Variants in LRRTM4 observed in about 807,000 individuals in gnomAD.
LRRTM4 encodes leucine-rich repeat transmembrane neuronal protein 4.
A neutral mutation model predicts 47.6 loss-of-function variants in LRRTM4; 25 were observed. The ratio of observed to expected loss-of-function variants is 0.53; its 90% CI spans 0.38 to 0.73. LRRTM4 has a LOEUF of 0.73. LRRTM4 is among the 30% of genes least tolerant of loss of function. The pLI, the probability that LRRTM4 is intolerant of heterozygous loss-of-function variation, is 0.00. For missense variants in LRRTM4, 638 were observed against 713.4 expected, an observed-to-expected ratio of 0.89 and a Z score of 1.20; for synonymous variants, 311 against 269.5, an observed-to-expected ratio of 1.15 and a Z score of -1.51.
At chr2:77,457,555 C>A (rs771112030) in intron 3 of LRRTM4, among the ~76,000 whole-genome samples, 7 of 151,938 alleles carry the variant, frequency 4.6e-5, no homozygotes, top group Non-Finnish European at 8.8e-5. Flanking sequence ...ATATATCTAT[C>A]CTACTTGAAA....
chr2:76,878,061 A>G (rs1459738036), intron 3 of LRRTM4, among the ~76,000 whole-genome samples: 2 of 152,136 alleles, frequency 1.3e-5, no homozygotes, highest in Non-Finnish European at 2.9e-5. Context: ...GCAACAGCGT[A>G]TGTTCACTTC....
chr2:77,103,309 A>G (rs1421125845), intron 3 of LRRTM4, among the ~76,000 whole-genome samples: 1 of 152,168 alleles, frequency 6.6e-6, no homozygotes, highest in Non-Finnish European at 1.5e-5. Flanking sequence ...CAAAGATACA[A>G]CAGATATGAG....
intron 3 of LRRTM4, among the ~76,000 whole-genome samples, chr2:77,350,905 TAAAC>T (rs1285816895): frequency 2.6e-5 from 4 of 152,152 alleles, no homozygotes; most frequent in Non-Finnish European, 4.4e-5. Flanking sequence ...ATTAAAATAT[TAAAC>T]AAACGAAACT....
In LRRTM4 at chr2:77,083,876, C is replaced by T. The variant is rs372811393; in HGVS notation, c.1552-334960G>A. Among the ~76,000 whole-genome samples, 8 of 129,960 alleles carry T rather than the reference C, an allele frequency of 6.2e-5. No individual in the cohort carries two copies. The South Asian group carries it at 1.6e-3, about 26-fold the overall frequency. The allele number at this position is 129,960 out of a possible 152,430, so 85.3% of individuals were successfully genotyped here. Reference sequence around the variant, plus strand: ...CTGGAGTGCAATGGTGAGATCTGGGCTCACTGCAAGCTCCGCCTCCCGGGT... The same window carrying T: ...CTGGAGTGCAATGGTGAGATCTGGGTTCACTGCAAGCTCCGCCTCCCGGGT... On this transcript the variant is annotated intron_variant, in intron 3 of 3. Transcript: ENST00000409884.
chr2:76,988,207 T>G (rs2103984285), intron 3 of LRRTM4, among the ~76,000 whole-genome samples: 1 of 152,006 alleles, frequency 6.6e-6, no homozygotes. Flanking sequence ...CCTATTTTTT[T>G]GTCATTGATA....
Position 76,747,736 on chromosome 2 carries a change from ATT to A in LRRTM4, c.*957_*958del, listed in dbSNP as rs1338693294. 6.6e-6 allele frequency: 1 copy of A among 152,120 alleles called. No homozygotes were observed. The highest frequency in any genetic ancestry group is 1.5e-5 in the Non-Finnish European group (1 of 68,018). The allele number at this position is 152,120 out of a possible 1,614,324, so 9.4% of individuals were successfully genotyped here. On this transcript the variant is annotated 3_prime_UTR_variant, in exon 4 of 4. Transcript: ENST00000409884. ...CAAAATAATATATTTATTTTTCAATATTTTTTCTTTTATTGATAAAAACTACA... is the reference window on the plus strand; with the variant it reads ...CAAAATAATATATTTATTTTTCAATATTTTCTTTTATTGATAAAAACTACA...
At chr2:77,027,896 C>T (rs1017406261) in intron 3 of LRRTM4, among the ~76,000 whole-genome samples, 2 of 151,640 alleles carry the variant, frequency 1.3e-5, no homozygotes, top group African/African-American at 4.9e-5. Context: ...AACAGCAATA[C>T]TGCTTAAAGC....
intron 3 of LRRTM4, among the ~76,000 whole-genome samples, chr2:76,957,330 G>A (rs1675707571): frequency 6.6e-6 from 1 of 151,594 alleles, no homozygotes; most frequent in Non-Finnish European, 1.5e-5. Context: ...TTAGAGATAT[G>A]CTCTACAACA....
chr2:76,927,535 T>C (rs1281865815), intron 3 of LRRTM4, among the ~76,000 whole-genome samples: 1 of 152,142 alleles, frequency 6.6e-6, no homozygotes, highest in Non-Finnish European at 1.5e-5. Flanking sequence ...CTACTGCCTT[T>C]CCTATTGTTA....
Position 77,212,355 on chromosome 2 carries a change from G to GATAT in LRRTM4, c.1551+305959_1551+305962dup, listed in dbSNP as rs67657668. On this transcript the variant is annotated intron_variant, in intron 3 of 3. Coordinates refer to ENST00000409884, the MANE Select transcript of LRRTM4 (RefSeq NM_001134745.3). The stretch of plus-strand genomic sequence containing the variant: ...TGTGTAATTCTCAAGATTAACTCAT[G>GATAT]ATATATATATATATATAGTGTCATA... Among the ~76,000 whole-genome samples, 344 of 146,634 alleles carry GATAT rather than the reference G, an allele frequency of 2.3e-3. 3 individuals carry two copies. The highest frequency in any genetic ancestry group is 7.2e-3 in the Middle Eastern group (2 of 276).
chr2:77,060,400 AG>A (rs970777191), intron 3 of LRRTM4, among the ~76,000 whole-genome samples: 17 of 152,160 alleles, frequency 1.1e-4, no homozygotes, highest in Non-Finnish European at 2.2e-4. Flanking sequence ...AAATGTCCTC[AG>A]AAAAAAATAG....
At chr2:76,908,016 C>T (rs1433695554) in intron 3 of LRRTM4, among the ~76,000 whole-genome samples, 1 of 151,854 alleles carries the variant, frequency 6.6e-6, no homozygotes, top group Non-Finnish European at 1.5e-5. Flanking sequence ...ATCCTGATAC[C>T]AAAGCTGGGC....
At chr2:77,294,594 A>C (rs1676917710) in intron 3 of LRRTM4, among the ~76,000 whole-genome samples, 1 of 152,112 alleles carries the variant, frequency 6.6e-6, no homozygotes, top group African/African-American at 2.4e-5. Context: ...TGGGCAGGAG[A>C]ATGCACATTA....
intron 3 of LRRTM4, among the ~76,000 whole-genome samples, chr2:76,925,807 A>G (rs1028227614): frequency 3.3e-5 from 5 of 152,136 alleles, no homozygotes; most frequent in Non-Finnish European, 7.4e-5. Context: ...TTAGGAATAC[A>G]TATGTCATAA....
chr2:76,801,337 A>C (rs1377945015), intron 3 of LRRTM4, among the ~76,000 whole-genome samples: 4 of 152,116 alleles, frequency 2.6e-5, no homozygotes, highest in South Asian at 2.1e-4. Flanking sequence ...TGCAGCCATA[A>C]AAAATGATGA....
intron 3 of LRRTM4, among the ~76,000 whole-genome samples, chr2:76,970,527 GCATAT>G (rs1475195368): frequency 1.3e-5 from 2 of 151,938 alleles, no homozygotes; most frequent in Admixed American, 6.6e-5. Context: ...AACACTTGTG[GCATAT>G]CATATGACTA....
intron 3 of LRRTM4, among the ~76,000 whole-genome samples, chr2:76,910,912 C>T (rs981032730): frequency 1.3e-5 from 2 of 152,118 alleles, no homozygotes; most frequent in African/African-American, 4.8e-5. Flanking sequence ...AGAAAAGATG[C>T]TGATGTGCTT....
intron 3 of LRRTM4, among the ~76,000 whole-genome samples, chr2:77,380,041 A>G (rs1672991337): frequency 6.6e-6 from 1 of 152,182 alleles, no homozygotes; most frequent in Non-Finnish European, 1.5e-5. Flanking sequence ...CTATGAAGGT[A>G]TAATTCTTAG....
intron 3 of LRRTM4, among the ~76,000 whole-genome samples, chr2:76,831,700 G>C (rs1033352531): frequency 6.6e-6 from 1 of 152,012 alleles, no homozygotes; most frequent in Non-Finnish European, 1.5e-5. Context: ...TGAAAATGTT[G>C]GTATCAGGGA....
Sources: allele counts gnomAD v4.1 joint callset (sites outside exome capture counted in the v4.1 genomes callset), GRCh38; gene constraint gnomAD v4.1.1; transcripts MANE v1.5; gene names NCBI Gene and HGNC (gene_info 2026-07-23, HGNC 2026-07-21).